The following SLF1 variants were observed in gnomAD, a reference collection of about 807,000 sequenced individuals.
SLF1 encodes the protein SMC5-SMC6 complex localization factor protein 1.
Under a neutral mutation model 123.0 loss-of-function variants are expected in SLF1, and 105 were observed. That is an observed-to-expected ratio of 0.85 (90% CI 0.73 to 1.00). The LOEUF (loss-of-function observed/expected upper bound fraction) is 1.00, where lower values mean the gene tolerates loss of function less well. SLF1 is among the 50% of genes least tolerant of loss of function. SLF1 has a pLI of 0.00. For missense variants in SLF1, 1,239 were observed against 1,223.0 expected (o/e 1.01, Z -0.20); for synonymous variants, 434 against 406.6 (o/e 1.07, Z -0.81).
intron 9 of SLF1, among the ~76,000 whole-genome samples, chr5:94,655,275 C>G (rs1163573071): frequency 6.6e-6 from 1 of 152,054 alleles, no homozygotes; most frequent in Non-Finnish European, 1.5e-5. Context: ...ATTCTCTGTT[C>G]TTCACTGGTC....
In SLF1 at chr5:94,697,267, A is replaced by G. The variant is rs1048359829; in HGVS notation, c.*1955A>G. ...GTTCTGTGCCCTGGCTAACAATACC[A>G]GTATATGAGTATGAATCTAAATGTT... On this transcript the variant is annotated 3_prime_UTR_variant, in exon 21 of 21. Transcript: ENST00000265140. The G allele has an allele frequency of 1.3e-5, 2 of 151,844 alleles. No homozygotes were observed. Among genetic ancestry groups the G allele is most frequent in the South Asian group, 2.1e-4 (1 of 4,830 alleles). 9.4% of individuals were successfully genotyped at this position (151,844 alleles called of 1,614,324 possible). A position where few individuals can be genotyped will look rare whatever the true frequency, so the allele number is the denominator to read the frequency against.
At position 94,696,138 on chromosome 5, in the gene SLF1, G is replaced by A. The variant is rs1029803656; in HGVS notation, c.*826G>A. 6.6e-6 allele frequency: 1 copy of A among 151,674 alleles called. No individual in the cohort carries two copies. The highest frequency in any genetic ancestry group is 1.5e-5 in the Non-Finnish European group (1 of 67,774). The allele number at this position is 151,674 out of a possible 1,614,324, so 9.4% of individuals were successfully genotyped here. On this transcript the variant is annotated 3_prime_UTR_variant, in exon 21 of 21. Coordinates refer to ENST00000265140, the MANE Select transcript of SLF1 (RefSeq NM_032290.4). ...CTGAGTAGTAATGTTTTAATTTGCAGTTTTTCCTTATAGCAGTTTGTAGTA... is the reference window on the plus strand; with the variant it reads ...CTGAGTAGTAATGTTTTAATTTGCAATTTTTCCTTATAGCAGTTTGTAGTA...
chr5:94,684,934 T>C (rs1396778050), intron 15 of SLF1, among the ~76,000 whole-genome samples: 1 of 152,230 alleles, frequency 6.6e-6, no homozygotes, highest in East Asian at 1.9e-4. Context: ...TGTTTTGGGC[T>C]GGATAATTAT....
Position 94,678,911 on chromosome 5 carries a change from A to T in SLF1, c.1931A>T (p.His644Leu), listed in dbSNP as rs1179093421. 3.1e-6 allele frequency: 5 copies of T among 1,613,674 alleles called. No individual in the cohort carries two copies. Among genetic ancestry groups the T allele is most frequent in the Non-Finnish European group, 4.2e-6 (5 of 1,179,826 alleles). Residue 644 changes from histidine (H) to leucine (L), a missense_variant, in exon 15 of 21, where the codon CAC (histidine) becomes CTC (leucine). His to Leu is a moderately conservative substitution (Grantham distance 99). Coordinates refer to ENST00000265140, the MANE Select transcript of SLF1 (RefSeq NM_032290.4). The stretch of plus-strand genomic sequence containing the variant: ...AAGATGGGTAGAAATGTGATGCGAC[A>T]CATGTCTGATGACTTAGGAAGTTAT... ...GLKMGRNVMR[H>L]MSDDLGSYVS...
chr5:94,658,281 A>G (rs751175272), intron 9 of SLF1, among the ~76,000 whole-genome samples: 17 of 150,422 alleles, frequency 1.1e-4, no homozygotes, highest in Non-Finnish European at 1.6e-4. Context: ...TTTGCTTCCA[A>G]TTGTAGGACT....
chr5:94,629,052 T>TA lies in SLF1; in HGVS notation c.115-39dup, dbSNP rs1561420670. 4.0e-6 allele frequency: 6 copies of TA among 1,496,150 alleles called. 1 individual carries two copies. The South Asian group carries it at 7.6e-5, about 19-fold the overall frequency. The allele number at this position is 1,496,150 out of a possible 1,614,324, so 92.7% of individuals were successfully genotyped here. ...AAAGGATGTGTCATAAAGGGAGTCT[T>TA]ACTTTAGTAACATTTCTTGATGTGG... On this transcript the variant is annotated intron_variant, in intron 2 of 20. Transcript: ENST00000265140.
At chr5:94,642,396 CTA>C (rs1390524030) in intron 4 of SLF1, among the ~76,000 whole-genome samples, 3 of 152,194 alleles carry the variant, frequency 2.0e-5, no homozygotes, top group African/African-American at 7.2e-5. Context: ...GTGATGCTAG[CTA>C]TACTTGCCCC....
intron 12 of SLF1, among the ~76,000 whole-genome samples, 169 bp downstream of exon 12, chr5:94,666,193 A>G (rs529761017): frequency 6.6e-6 from 1 of 152,300 alleles, no homozygotes; most frequent in South Asian, 2.1e-4. Flanking sequence ...GCAAATCTAT[A>G]TTGGTCATGT....
chr5:94,648,516 C>A (rs2152477212), intron 5 of SLF1, among the ~76,000 whole-genome samples: 1 of 152,288 alleles, frequency 6.6e-6, no homozygotes, highest in South Asian at 2.1e-4. Context: ...GAGTCTCGCT[C>A]TGTTACCCAG....
At chr5:94,666,953 C>CTTTTT (rs34215806) in intron 12 of SLF1, among the ~76,000 whole-genome samples, 44 of 104,556 alleles carry the variant, frequency 4.2e-4, no homozygotes, top group South Asian at 7.3e-4. Flanking sequence ...CTGGGAAGAT[C>CTTTTT]TTTTTTTTTT....
chr5:94,664,442 A>T (rs1183040946), intron 11 of SLF1, among the ~76,000 whole-genome samples: 1 of 152,180 alleles, frequency 6.6e-6, no homozygotes, highest in Non-Finnish European at 1.5e-5. Context: ...CTGTAGGCGC[A>T]TGCCACCATG....
intron 5 of SLF1, among the ~76,000 whole-genome samples, chr5:94,644,928 T>C (rs533403369): frequency 3.3e-5 from 5 of 152,200 alleles, no homozygotes; most frequent in Non-Finnish European, 2.9e-5. Flanking sequence ...TATTTGTTAA[T>C]AGAGAATTTG....
chr5:94,646,508 C>T lies in SLF1; in HGVS notation c.595-2946C>T, dbSNP rs145562844. 2.4e-3 allele frequency among the ~76,000 whole-genome samples: 366 copies of T among 152,174 alleles called. 2 individuals are homozygous for T. Among genetic ancestry groups the T allele is most frequent in the Non-Finnish European group, 3.3e-3 (225 of 68,004 alleles). ...ACTGTTACTTGCAATTCATATGAAT[C>T]GTGCATTTGTAAAACTATGTGCAAG... On this transcript the variant is annotated intron_variant, in intron 5 of 20. Transcript: ENST00000265140.
At position 94,695,186 on chromosome 5, in the gene SLF1, A is replaced by G; in HGVS notation, c.3051A>G (p.Thr1017=). 1 of 1,612,828 alleles carries G rather than the reference A, an allele frequency of 6.2e-7. No homozygotes were observed. ...ATCTTTATGCTGGAAATATAAAGAC[A>G]TTGCAGAAACTCCCACACATTCTTA... ...LLDLYAGNIK[T]LQKLPHILKE... is the part of the protein sequence containing the mutation. Residue 1017 remains threonine (T), a synonymous_variant, in exon 21 of 21, where the codon ACA becomes ACG. Coordinates refer to ENST00000265140, the MANE Select transcript of SLF1 (RefSeq NM_032290.4).
chr5:94,663,990 C>T, intron 11 of SLF1, 82 bp downstream of exon 11: 3 of 1,303,796 alleles, frequency 2.3e-6, no homozygotes, highest in East Asian at 2.7e-5. Context: ...TGTATGTTTA[C>T]AGTTTATTTT....
chr5:94,644,248 TC>T, intron 5 of SLF1, among the ~76,000 whole-genome samples: 1 of 152,192 alleles, frequency 6.6e-6, no homozygotes, highest in East Asian at 1.9e-4. Flanking sequence ...TGATTAATCT[TC>T]CTGTAACTCT....
intron 15 of SLF1, 136 bp downstream of exon 15, chr5:94,679,091 AGATTC>A: frequency 4.4e-6 from 4 of 904,722 alleles, no homozygotes; most frequent in Non-Finnish European, 6.6e-6. Context: ...ACGCACACAT[AGATTC>A]ACACACACAG....
intron 16 of SLF1, among the ~76,000 whole-genome samples, chr5:94,687,566 A>C (rs1243425541): frequency 6.6e-6 from 1 of 152,026 alleles, no homozygotes; most frequent in Non-Finnish European, 1.5e-5. Context: ...ATGGTGGCAC[A>C]TGCCTGTGGT....
chr5:94,624,643 T>A (rs1054903270), intron 1 of SLF1, among the ~76,000 whole-genome samples: 1 of 152,202 alleles, frequency 6.6e-6, no homozygotes, highest in Non-Finnish European at 1.5e-5. Context: ...ATAATAAAAT[T>A]TAAAGGACAA....
Sources: gnomAD v4.1 joint callset for allele counts (sites outside exome capture counted in the v4.1 genomes callset) on GRCh38, gnomAD v4.1.1 for gene constraint, MANE v1.5 for transcripts, NCBI Gene and HGNC (gene_info 2026-07-23, HGNC 2026-07-21) for gene names.